The following ATP13A5 variants were observed in gnomAD, a reference collection of about 807,000 sequenced individuals.
The protein encoded by ATP13A5 is ATPase 13A5, also known as probable cation-transporting ATPase 13A5.
A neutral mutation model predicts 150.2 loss-of-function variants in ATP13A5; 149 were observed. That is an observed-to-expected ratio of 0.99 (90% CI 0.87 to 1.14). The LOEUF (loss-of-function observed/expected upper bound fraction) is 1.14, where lower values mean the gene tolerates loss of function less well. ATP13A5 is among the 50% of genes most tolerant of loss of function. The pLI, the probability that ATP13A5 is intolerant of heterozygous loss-of-function variation, is 0.00. For synonymous variants in ATP13A5, 497 were observed against 522.2 expected (o/e 0.95, Z 0.66); for missense variants, 1,383 against 1,449.3 (o/e 0.95, Z 0.74).
chr3:193,337,437 A>C (rs975044051), intron 9 of ATP13A5, among the ~76,000 whole-genome samples: 1 of 152,102 alleles, frequency 6.6e-6, no homozygotes, highest in Middle Eastern at 3.4e-3. Flanking sequence ...AAGGGATCCA[A>C]TTTCAGCTTT....
intron 21 of ATP13A5, among the ~76,000 whole-genome samples, chr3:193,308,273 C>T (rs1037004628): frequency 6.6e-5 from 10 of 152,190 alleles, no homozygotes; most frequent in African/African-American, 2.4e-4. Context: ...GCCTAGCCAA[C>T]ACAGTGAAAC....
At chr3:193,314,643 C>G (rs948329760) in intron 18 of ATP13A5, among the ~76,000 whole-genome samples, 13 of 152,150 alleles carry the variant, frequency 8.5e-5, no homozygotes, top group Non-Finnish European at 4.4e-5. Flanking sequence ...CAACCAGAGA[C>G]TCAATCCTCT....
At chr3:193,346,988 T>C (rs1283118929) in intron 7 of ATP13A5, among the ~76,000 whole-genome samples, 1 of 152,152 alleles carries the variant, frequency 6.6e-6, no homozygotes, top group East Asian at 1.9e-4. Flanking sequence ...GCATACCCCC[T>C]AATCAGTCAG....
intron 1 of ATP13A5, among the ~76,000 whole-genome samples, chr3:193,374,581 G>A (rs1293240315): frequency 2.7e-5 from 4 of 149,290 alleles, no homozygotes; most frequent in African/African-American, 9.9e-5. Context: ...GGAGATTGAG[G>A]CTGCAGTGAG....
intron 27 of ATP13A5, among the ~76,000 whole-genome samples, chr3:193,279,673 C>CATA (rs1283164550): frequency 6.6e-6 from 1 of 152,118 alleles, no homozygotes; most frequent in Non-Finnish European, 1.5e-5. Context: ...GACTGTTAAT[C>CATA]AAATGTATTA....
At chr3:193,357,660 C>T (rs1712843602) in intron 5 of ATP13A5, among the ~76,000 whole-genome samples, 1 of 152,230 alleles carries the variant, frequency 6.6e-6, no homozygotes, top group Non-Finnish European at 1.5e-5. Flanking sequence ...CCAGCAGCTT[C>T]ACAGAACAAC....
intron 21 of ATP13A5, 61 bp downstream of exon 21, chr3:193,310,577 T>C: frequency 7.5e-7 from 1 of 1,332,348 alleles, no homozygotes; most frequent in Non-Finnish European, 1.0e-6. Flanking sequence ...ACACCTGAAT[T>C]ATTGACCCAT....
chr3:193,288,338 T>G (rs548930020), intron 26 of ATP13A5, among the ~76,000 whole-genome samples: 1 of 151,228 alleles, frequency 6.6e-6, no homozygotes, highest in South Asian at 2.1e-4. Flanking sequence ...AAAGGAAGAG[T>G]CAATCAGTGA....
chr3:193,282,460 C>T (rs111973851), intron 27 of ATP13A5, among the ~76,000 whole-genome samples: 10 of 152,022 alleles, frequency 6.6e-5, no homozygotes, highest in Middle Eastern at 6.8e-3. Context: ...CTGCAACCTC[C>T]GCCTCCTGGG....
intron 5 of ATP13A5, among the ~76,000 whole-genome samples, chr3:193,357,357 C>T (rs1375658831): frequency 6.6e-6 from 1 of 152,130 alleles, no homozygotes; most frequent in Non-Finnish European, 1.5e-5. Context: ...CAATATTTGC[C>T]TGTAGATCAT....
chr3:193,320,567 T>C (rs1719225443), intron 16 of ATP13A5, among the ~76,000 whole-genome samples: 1 of 152,128 alleles, frequency 6.6e-6, no homozygotes, highest in Admixed American at 6.5e-5. Flanking sequence ...AAACACAGTA[T>C]ATGTTGTAAT....
chr3:193,311,672 T>A (rs2040319045), intron 20 of ATP13A5, 144 bp downstream of exon 20: 2 of 1,212,592 alleles, frequency 1.6e-6, no homozygotes, highest in East Asian at 2.6e-5. Context: ...GCCAGAAAAC[T>A]TTTTCAGGAG....
intron 7 of ATP13A5, among the ~76,000 whole-genome samples, chr3:193,350,478 G>C (rs1712522170): frequency 6.6e-6 from 1 of 152,078 alleles, no homozygotes; most frequent in South Asian, 2.1e-4. Flanking sequence ...GCCTTATTGA[G>C]TATAGAATCA....
intron 26 of ATP13A5, among the ~76,000 whole-genome samples, chr3:193,288,932 T>G (rs1489777106): frequency 6.6e-6 from 1 of 152,116 alleles, no homozygotes; most frequent in Non-Finnish European, 1.5e-5. Flanking sequence ...TACAACATAT[T>G]GTCTTCTAGG....
intron 7 of ATP13A5, among the ~76,000 whole-genome samples, chr3:193,347,178 A>G (rs1216375256): frequency 6.6e-6 from 1 of 152,218 alleles, no homozygotes; most frequent in African/African-American, 2.4e-5. Context: ...AGAAATACAC[A>G]TGGTATATAA....
chr3:193,327,253 AC>A (rs1719499064), intron 12 of ATP13A5, among the ~76,000 whole-genome samples, 196 bp from the exon 13 acceptor site: 1 of 152,200 alleles, frequency 6.6e-6, no homozygotes, highest in African/African-American at 2.4e-5. Context: ...TCCCCAAAAG[AC>A]CATGTCGATA....
chr3:193,280,526 GA>G (rs1717441786), intron 27 of ATP13A5, among the ~76,000 whole-genome samples: 1 of 152,116 alleles, frequency 6.6e-6, no homozygotes, highest in Non-Finnish European at 1.5e-5. Flanking sequence ...CTGGAACTCT[GA>G]CTTGAAAAAG....
chr3:193,355,628 G>A lies in ATP13A5; in HGVS notation c.537-1432C>T, dbSNP rs181914604. On this transcript the variant is annotated intron_variant, in intron 5 of 29. Coordinates refer to ENST00000342358, the MANE Select transcript of ATP13A5 (RefSeq NM_198505.4). ...TCAAACCGAGGTCTTCTGACTCCAT[G>A]CCATGAAAACACTGAGGTTCAAGGA... is the stretch of plus-strand genomic sequence containing the variant. Among the ~76,000 whole-genome samples, 274 of 152,290 alleles carry A rather than the reference G, an allele frequency of 1.8e-3. 2 individuals carry two copies. Among genetic ancestry groups the A allele is most frequent in the Non-Finnish European group, 2.9e-3 (194 of 68,028 alleles).
At chr3:193,362,799 T>TTCTCTCTTTCTC in intron 3 of ATP13A5, among the ~76,000 whole-genome samples, 162 bp from the exon 4 acceptor site, 1 of 114,192 alleles carries the variant, frequency 8.8e-6, no homozygotes, top group Non-Finnish European at 1.9e-5. Context: ...CTTTCTTTCT[T>TTCTCTCTTTCTC]TCTTTCTTTC....
Sources: gnomAD v4.1 joint callset for allele counts (sites outside exome capture counted in the v4.1 genomes callset) on GRCh38, gnomAD v4.1.1 for gene constraint, MANE v1.5 for transcripts, NCBI Gene and HGNC (gene_info 2026-07-23, HGNC 2026-07-21) for gene names.